SRSF5: variants seen among roughly 807,000 people sequenced by gnomAD.
The protein encoded by SRSF5 is serine/arginine-rich splicing factor 5.
A neutral mutation model predicts 34.0 loss-of-function variants in SRSF5; 5 were observed. The ratio of observed to expected loss-of-function variants is 0.15; its 90% confidence interval spans 0.08 to 0.31. The LOEUF is 0.31. Among genes scored for constraint, SRSF5 ranks in the 10% least tolerant of loss-of-function variants. The pLI is 1.00. For missense variants in SRSF5, 223 were observed against 351.4 expected (o/e 0.63, Z 2.92); for synonymous variants, 164 against 117.7 (o/e 1.39, Z -2.55).
chr14:69,768,741 C>G, intron 3 of SRSF5, 57 bp from the exon 4 acceptor site: 1 of 1,611,582 alleles, frequency 6.2e-7, no homozygotes, highest in Non-Finnish European at 8.5e-7. Context: ...GCATATTTTT[C>G]TAAGTAGATT....
intron 5 of SRSF5, 91 bp downstream of exon 5, chr14:69,769,342 T>C: frequency 6.5e-7 from 1 of 1,544,862 alleles, no homozygotes; most frequent in South Asian, 1.2e-5. Context: ...TTAAAAGTAG[T>C]TTTAAATTAA....
Position 69,771,297 on chromosome 14 carries a change from A to C in SRSF5, c.655A>C (p.Ser219Arg). 1 of 1,614,094 alleles carries C rather than the reference A, an allele frequency of 6.2e-7. No homozygotes were observed. The highest frequency in any genetic ancestry group is 8.5e-7 in the Non-Finnish European group (1 of 1,180,006). Residue 219 changes from serine to arginine, a missense_variant, in exon 8 of 8, where the codon AGC (serine) becomes CGC (arginine). Coordinates refer to ENST00000557154, the MANE Select transcript of SRSF5 (RefSeq NM_001320214.2). ...RKSYSRSRSR[S>R]RSRSRSKSRS... is the part of the protein sequence containing the mutation. ...ATCTTACAGCCGGTCAAGAAGCAGG[A>C]GCAGGAGCCGGAGCCGGAGCAAGTC...
At chr14:69,769,059 C>G in intron 4 of SRSF5, 123 bp from the exon 5 acceptor site, 1 of 1,339,966 alleles carries the variant, frequency 7.5e-7, no homozygotes, top group Non-Finnish European at 1.1e-6. Flanking sequence ...TCATAGAACA[C>G]AAATCTATTG....
chr14:69,770,493 T>A lies in SRSF5; in HGVS notation c.393T>A (p.Ala131=). 1 of 1,614,144 alleles carries A rather than the reference T, an allele frequency of 6.2e-7. No individual in the cohort carries two copies. Among genetic ancestry groups the A allele is most frequent in the Admixed American group, 1.7e-5 (1 of 59,988 alleles). The change falls in exon 6 of 8, where the codon GCT becomes GCA. Residue 131 remains alanine (A), a synonymous_variant. Coordinates refer to ENST00000557154, the MANE Select transcript of SRSF5 (RefSeq NM_001320214.2). ...ATCTCAAAGATTTCATGAGACAAGC[T>A]GGGGAAGTAACGTTTGCGGATGCAC... ...WQDLKDFMRQ[A]GEVTFADAHR...
intron 5 of SRSF5, 86 bp downstream of exon 5, chr14:69,769,337 A>T: frequency 6.4e-7 from 1 of 1,554,436 alleles, no homozygotes; most frequent in Non-Finnish European, 8.7e-7. Context: ...TTTTATTAAA[A>T]GTAGTTTTAA....
rs1187398860 is a variant in SRSF5 at position 69,770,173 on chromosome 14, GT to G, written c.367-287del. The G allele has an allele frequency of 1.4e-5, 15 of 1,099,032 alleles. No individual in the cohort carries two copies. In the East Asian group the frequency reaches 4.5e-4, roughly 33 times the overall value. The allele number at this position is 1,099,032 out of a possible 1,614,324, so 68.1% of individuals were successfully genotyped here. A position where few individuals can be genotyped will look rare whatever the true frequency, so the allele number is the denominator to read the frequency against. On this transcript the variant is annotated intron_variant, in intron 5 of 7. Coordinates refer to ENST00000557154, the MANE Select transcript of SRSF5 (RefSeq NM_001320214.2). ...AATATGTACTGTTTCCTTTTTTGTT[GT>G]TTTTTTGTTTGTTTTTTTTTCTTTT... is the stretch of plus-strand genomic sequence containing the variant.
At chr14:69,767,652 T>A in intron 1 of SRSF5, 1 of 393,078 alleles carries the variant, frequency 2.5e-6, no homozygotes, top group Non-Finnish European at 5.1e-6. Flanking sequence ...CACGCGCAGC[T>A]CTGCTGCCTT....
At position 69,770,511 on chromosome 14, in the gene SRSF5, G is replaced by T; in HGVS notation, c.411G>T (p.Ala137=). The T allele has an allele frequency of 6.2e-7, 1 of 1,613,914 alleles. No individual in the cohort carries two copies. The highest frequency in any genetic ancestry group is 1.1e-5 in the South Asian group (1 of 91,068). ...GACAAGCTGGGGAAGTAACGTTTGC[G>T]GATGCACACCGACCTAAATTAAATG... ...FMRQAGEVTF[A]DAHRPKLNEG... Residue 137 remains alanine, a synonymous_variant, in exon 6 of 8, where the codon GCG becomes GCT. Coordinates refer to ENST00000557154, the MANE Select transcript of SRSF5 (RefSeq NM_001320214.2).
At chr14:69,767,750 T>C in intron 1 of SRSF5, 1 of 355,806 alleles carries the variant, frequency 2.8e-6, no homozygotes. Flanking sequence ...AGATTCTGGC[T>C]TCCACCCGCT....
In SRSF5 at chr14:69,768,301, G is replaced by C; in HGVS notation, c.126+19G>C. 6.2e-7 allele frequency: 1 copy of C among 1,613,902 alleles called. No homozygotes were observed. The highest frequency in any genetic ancestry group is 8.5e-7 in the Non-Finnish European group (1 of 1,179,828). The stretch of plus-strand genomic sequence containing the variant: ...TTTTGTGGTAAGTATTTAGAACTGG[G>C]TGAATTATCTGCTAAGTAGGTAGAG... On this transcript the variant is annotated intron_variant, in intron 2 of 7. Coordinates refer to ENST00000557154, the MANE Select transcript of SRSF5 (RefSeq NM_001320214.2).
chr14:69,769,064 C>G (rs1034373873), intron 4 of SRSF5, 118 bp from the exon 5 acceptor site: 16 of 1,348,532 alleles, frequency 1.2e-5, no homozygotes, highest in African/African-American at 1.2e-4. Context: ...GAACACAAAT[C>G]TATTGACGGA....
Position 69,769,217 on chromosome 14 carries a change from T to G in SRSF5, c.332T>G (p.Ile111Arg). The G allele has an allele frequency of 5.0e-6, 8 of 1,614,218 alleles. No individual in the cohort carries two copies. Among genetic ancestry groups the G allele is most frequent in the Non-Finnish European group, 6.8e-6 (8 of 1,180,040 alleles). Reference protein sequence around the residue: ...APPVRTENRLIVENLSSRVSW... With the variant: ...APPVRTENRLRVENLSSRVSW... ...CCTGTAAGAACAGAAAATCGTCTTA[T>G]AGTTGAGAATTTATCCTCAAGAGTC... Residue 111 changes from isoleucine (I) to arginine (R), a missense_variant, in exon 5 of 8, where the codon ATA (isoleucine) becomes AGA (arginine). Coordinates refer to ENST00000557154, the MANE Select transcript of SRSF5 (RefSeq NM_001320214.2).
chr14:69,771,922 A>G lies in SRSF5; in HGVS notation c.*461A>G, dbSNP rs1445612292. On this transcript the variant is annotated 3_prime_UTR_variant, in exon 8 of 8. Transcript: ENST00000557154. ...TAATTTGTTTTCCTTGTTAGGGTCA[A>G]GGGTGTCCTCCACTCTTTAACAGCT... 2 of 162,764 alleles carry G rather than the reference A, an allele frequency of 1.2e-5. No individual in the cohort carries two copies. The highest frequency in any genetic ancestry group is 2.7e-5 in the Non-Finnish European group (2 of 74,214). The allele number at this position is 162,764 out of a possible 1,614,324, so 10.1% of individuals were successfully genotyped here. A position where few individuals can be genotyped will look rare whatever the true frequency, so the allele number is the denominator to read the frequency against.
intron 2 of SRSF5, 83 bp from the exon 3 acceptor site, chr14:69,768,521 C>A: frequency 7.2e-7 from 1 of 1,389,042 alleles, no homozygotes; most frequent in Non-Finnish European, 1.0e-6. Context: ...TCTTCCCATT[C>A]TGTCTCCTGA....
Position 69,768,748 on chromosome 14 carries a change from G to A in SRSF5, c.198-50G>A, listed in dbSNP as rs138921538. 1.2e-5 allele frequency: 19 copies of A among 1,612,010 alleles called. No individual in the cohort carries two copies. The African/African-American group carries it at 1.9e-4, about 16-fold the overall frequency. On this transcript the variant is annotated intron_variant, in intron 3 of 7. Transcript: ENST00000557154. Reference sequence around the variant, plus strand: ...GTCTGCTGGCATATTTTTCTAAGTAGATTTATGTAGCTTAAGTGTGTAACG... The same window carrying A: ...GTCTGCTGGCATATTTTTCTAAGTAAATTTATGTAGCTTAAGTGTGTAACG...
Position 69,770,981 on chromosome 14 carries a change from GT to G in SRSF5, c.441-10del, listed in dbSNP as rs781099139. 36 of 1,606,090 alleles carry G rather than the reference GT, an allele frequency of 2.2e-5. No individual in the cohort carries two copies. Among genetic ancestry groups the G allele is most frequent in the Non-Finnish European group, 3.1e-5 (36 of 1,176,440 alleles). ...GGATGTATATACTTTAAAAGTGGCT[GT>G]TTTCCATTTTAGGGTGGTTGAGTTT... On this transcript the variant is annotated splice_polypyrimidine_tract_variant and intron_variant, in intron 6 of 7. Coordinates refer to ENST00000557154, the MANE Select transcript of SRSF5 (RefSeq NM_001320214.2).
Position 69,768,129 on chromosome 14 carries a change from T to C in SRSF5, c.-19-9T>C. 6.2e-7 allele frequency: 1 copy of C among 1,613,908 alleles called. No individual in the cohort carries two copies. The highest frequency in any genetic ancestry group is 8.5e-7 in the Non-Finnish European group (1 of 1,179,908). The stretch of plus-strand genomic sequence containing the variant: ...TTGCTATTATCTCGATTGAATTACT[T>C]TCTAATAGGAAGTACTAGCCGGACA... On this transcript the variant is annotated splice_polypyrimidine_tract_variant and intron_variant, in intron 1 of 7. Coordinates refer to ENST00000557154, the MANE Select transcript of SRSF5 (RefSeq NM_001320214.2).
At chr14:69,769,498 C>CT in intron 5 of SRSF5, 4 of 1,535,300 alleles carry the variant, frequency 2.6e-6, no homozygotes, top group Non-Finnish European at 3.5e-6. Context: ...ATATTAAACC[C>CT]TTTATTTGCC....
intron 1 of SRSF5, chr14:69,767,828 C>T (rs1882706316): frequency 2.7e-6 from 1 of 366,912 alleles, no homozygotes; most frequent in Admixed American, 3.9e-5. Context: ...GCCCGCACTT[C>T]TCGGCCTTTC....
Sources: gnomAD v4.1 joint callset for allele counts on GRCh38, gnomAD v4.1.1 for gene constraint, MANE v1.5 for transcripts, NCBI Gene and HGNC (gene_info 2026-07-23, HGNC 2026-07-21) for gene names.